Variants in TOX observed in about 807,000 individuals in gnomAD.
TOX encodes the protein thymocyte selection associated high mobility group box.
Under a neutral mutation model 53.7 loss-of-function variants are expected in TOX, and 11 were observed. The ratio of observed to expected loss-of-function variants is 0.20; its 90% CI spans 0.13 to 0.34. The LOEUF is 0.34. Ranked by LOEUF, TOX falls within the 10% of genes least tolerant of loss-of-function variation. The pLI is 1.00. For synonymous variants in TOX, 225 were observed against 245.3 expected, an observed-to-expected ratio of 0.92 and a Z score of 0.77; for missense variants, 570 against 664.6, an observed-to-expected ratio of 0.86 and a Z score of 1.56.
chr8:58,812,037 T>A (rs6980793), intron 7 of TOX, among the ~76,000 whole-genome samples: 8,541 of 152,218 alleles, frequency 0.056, 254 homozygotes, highest in Non-Finnish European at 0.068. Context: ...TGTCTGGTGT[T>A]TGGATGTGTC....
rs35347981 is a variant in TOX, at chr8:58,838,699, C to CTTTTTTTTTTTTT, written c.694-401_694-389dup. Among the ~76,000 whole-genome samples the CTTTTTTTTTTTTT allele has an allele frequency of 8.9e-4, 79 of 88,874 alleles. 12 individuals are homozygous for CTTTTTTTTTTTTT. The highest frequency in any genetic ancestry group is 3.8e-3 in the African/African-American group (63 of 16,726). The allele number at this position is 88,874 out of a possible 152,430, so 58.3% of individuals were successfully genotyped here. On this transcript the variant is annotated intron_variant, in intron 4 of 8. Coordinates refer to ENST00000361421, the MANE Select transcript of TOX (RefSeq NM_014729.3). ...TTTCTTCTAAGGAAGTTATCCTTGT[C>CTTTTTTTTTTTTT]TTTTTTTTTTTTTTTTTTTTTGAGA...
intron 3 of TOX, among the ~76,000 whole-genome samples, chr8:58,893,071 T>C (rs910141959): frequency 6.6e-6 from 1 of 152,238 alleles, no homozygotes; most frequent in Non-Finnish European, 1.5e-5. Flanking sequence ...TACTCTACTA[T>C]ATTGGTTTAT....
chr8:58,906,712 C>A (rs947835704), intron 3 of TOX, among the ~76,000 whole-genome samples: 2 of 152,176 alleles, frequency 1.3e-5, no homozygotes, highest in Non-Finnish European at 2.9e-5. Flanking sequence ...ATAAACGCTA[C>A]ATTTTTTTTC....
At chr8:58,815,264 A>G (rs1342727745) in intron 7 of TOX, 74 bp downstream of exon 7, 1 of 1,508,174 alleles carries the variant, frequency 6.6e-7, no homozygotes, top group Non-Finnish European at 8.9e-7. Context: ...TCCTGGATAA[A>G]CAGCTCCCCC....
rs181006204 is a variant in TOX at position 58,887,086 on chromosome 8, C to T, written c.412-35281G>A. Among the ~76,000 whole-genome samples, 59 of 151,986 alleles carry T rather than the reference C, an allele frequency of 3.9e-4. 1 individual carries two copies. The highest frequency in any genetic ancestry group is 1.2e-3 in the Admixed American group (18 of 15,242). ...AATGAGTGTGGAATTTTGTCAGATA[C>T]ACTGATATATATTTATCATGTAATT... is the stretch of plus-strand genomic sequence containing the variant. On this transcript the variant is annotated intron_variant, in intron 3 of 8. Coordinates refer to ENST00000361421, the MANE Select transcript of TOX (RefSeq NM_014729.3).
intron 1 of TOX, among the ~76,000 whole-genome samples, chr8:59,073,752 A>G (rs1331245674): frequency 6.6e-6 from 1 of 152,100 alleles, no homozygotes; most frequent in African/African-American, 2.4e-5. Flanking sequence ...GACTTAAATA[A>G]TATTAAGTGT....
Position 58,807,586 on chromosome 8 carries a change from C to A in TOX, c.*161G>T. ...TTAAAAAAATAATAAAGAAGCATGA[C>A]TATTTCTTCCAGAGTGGGTGACCCA... On this transcript the variant is annotated 3_prime_UTR_variant, in exon 9 of 9. Transcript: ENST00000361421. The A allele has an allele frequency of 1.5e-6, 1 of 654,294 alleles. No homozygotes were observed. The highest frequency in any genetic ancestry group is 2.6e-6 in the Non-Finnish European group (1 of 383,134). 40.5% of individuals were successfully genotyped at this position (654,294 alleles called of 1,614,324 possible). A position where few individuals can be genotyped will look rare whatever the true frequency, so the allele number is the denominator to read the frequency against.
At chr8:58,900,864 CTG>C (rs1234646746) in intron 3 of TOX, among the ~76,000 whole-genome samples, 1 of 152,030 alleles carries the variant, frequency 6.6e-6, no homozygotes, top group Non-Finnish European at 1.5e-5. Context: ...TTTGTAAACA[CTG>C]AGACCTTCGT....
At chr8:59,026,233 C>T (rs407440) in intron 1 of TOX, among the ~76,000 whole-genome samples, 131,255 of 152,064 alleles carry the variant, frequency 0.86, 57,016 homozygotes, top group East Asian at 0.92. Context: ...CTTTCTAGGA[C>T]GGTCCATGGT....
At chr8:58,863,980 A>AT (rs11419799) in intron 3 of TOX, among the ~76,000 whole-genome samples, 45,434 of 150,992 alleles carry the variant, frequency 0.3, 6,872 homozygotes, top group African/African-American at 0.37. Flanking sequence ...AGAATTAAGA[A>AT]TTTTTTTTTT....
Position 58,870,996 on chromosome 8 carries a change from T to C in TOX, c.412-19191A>G, listed in dbSNP as rs536958339. Among the ~76,000 whole-genome samples, 58 of 152,250 alleles carry C rather than the reference T, an allele frequency of 3.8e-4. 1 individual carries two copies. The highest frequency in any genetic ancestry group is 3.4e-3 in the Middle Eastern group (1 of 294). On this transcript the variant is annotated intron_variant, in intron 3 of 8. Transcript: ENST00000361421. The stretch of plus-strand genomic sequence containing the variant: ...ACCAAAACCTGCACACAAGTGTTTA[T>C]AGCAGATTTATTCATAATCAGTAAA...
intron 1 of TOX, among the ~76,000 whole-genome samples, chr8:59,063,586 G>A (rs947068098): frequency 6.6e-6 from 1 of 151,858 alleles, no homozygotes; most frequent in African/African-American, 2.4e-5. Flanking sequence ...ACCACGCCGG[G>A]CTAATTTTTT....
intron 1 of TOX, among the ~76,000 whole-genome samples, chr8:59,007,246 A>G (rs1369848882): frequency 2.0e-5 from 3 of 152,076 alleles, no homozygotes; most frequent in Non-Finnish European, 4.4e-5. Context: ...CAGTTATGCA[A>G]ACTTTCTTTT....
chr8:59,078,019 A>G (rs1804324164), intron 1 of TOX, among the ~76,000 whole-genome samples: 1 of 152,174 alleles, frequency 6.6e-6, no homozygotes, highest in Non-Finnish European at 1.5e-5. Context: ...AATGAAGAAA[A>G]AAGGAAATGG....
chr8:58,854,644 T>C (rs917159412), intron 3 of TOX, among the ~76,000 whole-genome samples: 3 of 152,146 alleles, frequency 2.0e-5, no homozygotes, highest in Non-Finnish European at 4.4e-5. Context: ...CAATGTATCC[T>C]GTCACCAGTG....
At chr8:59,049,250 A>G (rs1247862143) in intron 1 of TOX, among the ~76,000 whole-genome samples, 1 of 152,216 alleles carries the variant, frequency 6.6e-6, no homozygotes, top group Non-Finnish European at 1.5e-5. Flanking sequence ...TTGCTAACAA[A>G]TGCTACTCAG....
chr8:58,914,207 G>A (rs975515478), intron 3 of TOX, among the ~76,000 whole-genome samples: 1 of 152,214 alleles, frequency 6.6e-6, no homozygotes, highest in African/African-American at 2.4e-5. Flanking sequence ...GTTTCGTCCT[G>A]CTGCTGGTAG....
At chr8:58,913,941 A>G (rs1811954727) in intron 3 of TOX, among the ~76,000 whole-genome samples, 1 of 152,240 alleles carries the variant, frequency 6.6e-6, no homozygotes, top group South Asian at 2.1e-4. Context: ...TATTGGAGTG[A>G]CAAGAAATGG....
At chr8:59,036,280 G>T (rs955230404) in intron 1 of TOX, among the ~76,000 whole-genome samples, 25 of 152,144 alleles carry the variant, frequency 1.6e-4, no homozygotes, top group African/African-American at 5.8e-4. Context: ...GTATCTAAAG[G>T]CATGAAGAAT....
Sources: gnomAD v4.1 joint callset for allele counts (sites outside exome capture counted in the v4.1 genomes callset) on GRCh38, gnomAD v4.1.1 for gene constraint, MANE v1.5 for transcripts, NCBI Gene and HGNC (gene_info 2026-07-23, HGNC 2026-07-21) for gene names.